Variants in EML4 observed in about 807,000 individuals in gnomAD.
The protein encoded by EML4 is echinoderm microtubule-associated protein-like 4.
EML4 carries 72 observed loss-of-function variants against 129.0 expected under a neutral mutation model. The observed-to-expected ratio is 0.56, with a 90% CI of 0.46 to 0.68. The LOEUF (loss-of-function observed/expected upper bound fraction) is 0.68, where lower values mean the gene tolerates loss of function less well. Among genes scored for constraint, EML4 ranks in the 30% least tolerant of loss-of-function variants. The probability of loss-of-function intolerance (pLI) is 0.00; values close to 1 mark genes in which losing one functional copy is unlikely to be tolerated. For synonymous variants in EML4, 532 were observed against 405.0 expected (o/e 1.31, Z -3.77); for missense variants, 1,363 against 1,190.6 (o/e 1.14, Z -2.13).
Position 42,237,472 on chromosome 2 carries a change from C to G in EML4, c.26-8033C>G, listed in dbSNP as rs528185123. 2.6e-5 allele frequency among the ~76,000 whole-genome samples: 4 copies of G among 152,056 alleles called. No homozygotes were observed. In the South Asian group the frequency reaches 8.3e-4, roughly 32 times the overall value. On this transcript the variant is annotated intron_variant, in intron 1 of 22. Transcript: ENST00000318522. The stretch of plus-strand genomic sequence containing the variant: ...ATTTTGCCTTTAATTCTTTAATCTT[C>G]TTGGATTTTATTTTTGTGTGTGGTG...
intron 6 of EML4, among the ~76,000 whole-genome samples, 182 bp from the exon 7 acceptor site, chr2:42,280,668 T>A (rs1355243732): frequency 2.6e-5 from 4 of 152,164 alleles, no homozygotes; most frequent in African/African-American, 9.7e-5. Flanking sequence ...AGGAAGGTGT[T>A]CCTAAAATCA....
At chr2:42,323,732 G>C (rs1397101530) in intron 19 of EML4, among the ~76,000 whole-genome samples, 2 of 149,368 alleles carry the variant, frequency 1.3e-5, no homozygotes, top group Non-Finnish European at 3.0e-5. Flanking sequence ...TCAGGAATTC[G>C]AGACCAGCCT....
At chr2:42,232,937 G>T (rs1674438799) in intron 1 of EML4, among the ~76,000 whole-genome samples, 2 of 152,238 alleles carry the variant, frequency 1.3e-5, no homozygotes, top group South Asian at 4.1e-4. Flanking sequence ...GTGTTAGCCA[G>T]GATGGTCTCC....
chr2:42,280,918 A>C lies in EML4; in HGVS notation c.736A>C (p.Asn246His). Residue 246 changes from asparagine (N) to histidine (H), a missense_variant, in exon 7 of 23, where the codon AAC (asparagine) becomes CAC (histidine). Transcript: ENST00000318522. ...ITMFIPSDVD[N>H]YDDIRTELPP... is the part of the protein sequence containing the mutation. ...CATGTTCATTCCTTCCGATGTTGAC[A>C]ACTATGATGACATCAGAACGGAACT... is the stretch of plus-strand genomic sequence containing the variant. 6.2e-7 allele frequency: 1 copy of C among 1,612,944 alleles called. No individual in the cohort carries two copies. Among genetic ancestry groups the C allele is most frequent in the South Asian group, 1.1e-5 (1 of 90,972 alleles).
chr2:42,256,764 GAAAGT>G, intron 3 of EML4, 134 bp downstream of exon 3: 1 of 1,117,920 alleles, frequency 8.9e-7, no homozygotes, highest in Non-Finnish European at 1.3e-6. Flanking sequence ...CTTAAACTGT[GAAAGT>G]AGAGACATTT....
intron 1 of EML4, among the ~76,000 whole-genome samples, chr2:42,202,585 T>G (rs1028804347): frequency 6.6e-6 from 1 of 152,184 alleles, no homozygotes; most frequent in Non-Finnish European, 1.5e-5. Flanking sequence ...GCTGAAGAAC[T>G]TGGAGTCTGA....
At chr2:42,261,807 C>A (rs1665756719) in intron 4 of EML4, among the ~76,000 whole-genome samples, 1 of 152,112 alleles carries the variant, frequency 6.6e-6, no homozygotes, top group African/African-American at 2.4e-5. Flanking sequence ...GAAATGAATC[C>A]ATTTCACCTG....
intron 21 of EML4, among the ~76,000 whole-genome samples, chr2:42,327,614 C>T (rs1669877210): frequency 1.3e-5 from 2 of 152,192 alleles, no homozygotes; most frequent in African/African-American, 4.8e-5. Context: ...TCTTCCTAAT[C>T]TGACGTTTTG....
chr2:42,192,897 G>C (rs1572855231), intron 1 of EML4, among the ~76,000 whole-genome samples: 1 of 152,096 alleles, frequency 6.6e-6, no homozygotes, highest in African/African-American at 2.4e-5. Flanking sequence ...TTAGGGTTTT[G>C]CTAATCTGGA....
chr2:42,189,512 C>G (rs558775845), intron 1 of EML4, among the ~76,000 whole-genome samples: 3 of 152,318 alleles, frequency 2.0e-5, no homozygotes, highest in Admixed American at 6.5e-5. Flanking sequence ...ACCAGGAGTT[C>G]AAGGTGGCAA....
chr2:42,261,822 T>C (rs368005982), intron 4 of EML4, among the ~76,000 whole-genome samples: 2 of 152,170 alleles, frequency 1.3e-5, no homozygotes, highest in South Asian at 4.1e-4. Flanking sequence ...CACCTGGTCT[T>C]TTCTATGCTA....
chr2:42,269,538 G>A (rs576360019), intron 6 of EML4, among the ~76,000 whole-genome samples: 123 of 152,160 alleles, frequency 8.1e-4, no homozygotes, highest in Admixed American at 9.2e-4. Context: ...CATATGTCAG[G>A]AAGGTGATAT....
chr2:42,296,841 G>T (rs533485494), intron 13 of EML4, among the ~76,000 whole-genome samples: 7 of 152,160 alleles, frequency 4.6e-5, no homozygotes, highest in Non-Finnish European at 7.4e-5. Context: ...CAGATATTCA[G>T]ATGCTCCTTG....
At chr2:42,320,126 G>C (rs1202656150) in intron 19 of EML4, 1 of 152,158 alleles carries the variant, frequency 6.6e-6, no homozygotes, top group Admixed American at 6.5e-5. Flanking sequence ...GTAGAGGGCA[G>C]CTAGCTGATG....
At chr2:42,325,697 C>G (rs2103832468) in intron 20 of EML4, 143 bp downstream of exon 20, 1 of 241,998 alleles carries the variant, frequency 4.1e-6, no homozygotes. Flanking sequence ...CTGAATTGTG[C>G]AGAGAATGCT....
At chr2:42,208,809 A>C (rs1672717481) in intron 1 of EML4, among the ~76,000 whole-genome samples, 1 of 139,190 alleles carries the variant, frequency 7.2e-6, no homozygotes. Context: ...TTTTTTTTTC[A>C]GACACAGAAA....
At chr2:42,237,691 T>C (rs1307030523) in intron 1 of EML4, among the ~76,000 whole-genome samples, 1 of 152,200 alleles carries the variant, frequency 6.6e-6, no homozygotes, top group Non-Finnish European at 1.5e-5. Flanking sequence ...GTATTACATA[T>C]ATTATATGCT....
chr2:42,286,515 T>A (rs187274528), intron 10 of EML4, 136 bp downstream of exon 10: 121 of 635,008 alleles, frequency 1.9e-4, no homozygotes, highest in Admixed American at 1.2e-3. Context: ...TGCTAACATA[T>A]TAGCTATTGC....
chr2:42,282,736 C>A, intron 7 of EML4, 87 bp from the exon 8 acceptor site: 2 of 1,180,790 alleles, frequency 1.7e-6, no homozygotes, highest in Non-Finnish European at 2.5e-6. Context: ...TTCATTGTAC[C>A]TTCCTAATTC....
Sources: gnomAD v4.1 joint callset for allele counts (sites outside exome capture counted in the v4.1 genomes callset) on GRCh38, gnomAD v4.1.1 for gene constraint, MANE v1.5 for transcripts, NCBI Gene and HGNC (gene_info 2026-07-23, HGNC 2026-07-21) for gene names.